The following EFR3A variants were observed in gnomAD, a reference collection of about 807,000 sequenced individuals.
The protein encoded by EFR3A is protein EFR3 homolog A.
In EFR3A, 76 loss-of-function variants were observed where a neutral mutation model predicts 104.4. The ratio of observed to expected loss-of-function variants is 0.73; its 90% CI spans 0.60 to 0.88. The LOEUF (loss-of-function observed/expected upper bound fraction) is 0.88, where lower values mean the gene tolerates loss of function less well. Among genes scored for constraint, EFR3A ranks in the 40% least tolerant of loss-of-function variants. The pLI is 0.00. For synonymous variants in EFR3A, 330 were observed against 330.0 expected (o/e 1.00, Z 0.00); for missense variants, 985 against 1,012.5 (o/e 0.97, Z 0.37).
intron 12 of EFR3A, 113 bp from the exon 13 acceptor site, chr8:131,978,734 G>T: frequency 2.5e-6 from 2 of 815,010 alleles, no homozygotes; most frequent in Non-Finnish European, 3.5e-6. Context: ...CTTTTCTCCA[G>T]GCTTCTGTCC....
At chr8:131,977,151 T>C (rs1820364377) in intron 12 of EFR3A, 59 bp downstream of exon 12, 5 of 1,202,114 alleles carry the variant, frequency 4.2e-6, no homozygotes, top group Non-Finnish European at 6.0e-6. Flanking sequence ...AAAACATTAA[T>C]TGAATAGCTT....
intron 1 of EFR3A, among the ~76,000 whole-genome samples, chr8:131,912,219 T>C (rs757119950): frequency 1.6e-4 from 25 of 152,186 alleles, no homozygotes; most frequent in Non-Finnish European, 3.4e-4. Context: ...CCAGCTCATC[T>C]GAATCCTGGG....
chr8:131,935,069 T>A (rs1309077800), intron 1 of EFR3A, among the ~76,000 whole-genome samples: 2 of 152,178 alleles, frequency 1.3e-5, no homozygotes, highest in Non-Finnish European at 2.9e-5. Flanking sequence ...ATAGAAAGTC[T>A]GTCTCTTTTC....
intron 22 of EFR3A, among the ~76,000 whole-genome samples, chr8:132,007,774 C>T (rs1215648414): frequency 6.6e-6 from 1 of 151,710 alleles, no homozygotes; most frequent in Non-Finnish European, 1.5e-5. Flanking sequence ...ACAAAGAGAT[C>T]AAGATAACAG....
At chr8:131,996,947 C>T (rs1042592936) in intron 19 of EFR3A, among the ~76,000 whole-genome samples, 1 of 152,036 alleles carries the variant, frequency 6.6e-6, no homozygotes, top group African/African-American at 2.4e-5. Context: ...AGTTTTAAAA[C>T]TGCATCTATA....
chr8:131,962,638 T>C (rs866369805), intron 8 of EFR3A, among the ~76,000 whole-genome samples: 24 of 152,044 alleles, frequency 1.6e-4, no homozygotes, highest in African/African-American at 5.8e-4. Context: ...CTGTCAACAT[T>C]AGACAGATCA....
intron 1 of EFR3A, among the ~76,000 whole-genome samples, chr8:131,928,207 C>A (rs1411431365): frequency 6.6e-6 from 1 of 151,506 alleles, no homozygotes; most frequent in Non-Finnish European, 1.5e-5. Context: ...TGGAAGAATG[C>A]TTCAAATGTG....
intron 12 of EFR3A, among the ~76,000 whole-genome samples, chr8:131,977,496 G>A (rs1192208240): frequency 2.0e-5 from 3 of 151,968 alleles, no homozygotes; most frequent in Non-Finnish European, 4.4e-5. Context: ...GCTTCTGATT[G>A]GGAAAATAAT....
rs1817409422 is a variant in EFR3A, at chr8:131,928,327, A to G, written c.11-12172A>G. Among the ~76,000 whole-genome samples, 3 of 152,102 alleles carry G rather than the reference A, an allele frequency of 2.0e-5. No individual in the cohort carries two copies. In the South Asian group the frequency reaches 6.2e-4, roughly 32 times the overall value. On this transcript the variant is annotated intron_variant, in intron 1 of 22. Transcript: ENST00000254624. ...ACGTTCGACATTAAATGCTAAATGAAGGGTGGGGTTTCTGCAGACATTATA... is the reference window on the plus strand; with the variant it reads ...ACGTTCGACATTAAATGCTAAATGAGGGGTGGGGTTTCTGCAGACATTATA...
At chr8:131,923,723 A>T (rs184405527) in intron 1 of EFR3A, among the ~76,000 whole-genome samples, 1 of 152,210 alleles carries the variant, frequency 6.6e-6, no homozygotes, top group East Asian at 1.9e-4. Flanking sequence ...GAGAAAAGTT[A>T]GGAACCAGCA....
Position 132,012,187 on chromosome 8 carries a change from C to G in EFR3A, c.*1292C>G, listed in dbSNP as rs1822376876. ...TTTTTACATAAAACAGCATACATAT[C>G]AAAAACTGTAGCCTAGAATACAGTT... is the stretch of plus-strand genomic sequence containing the variant. On this transcript the variant is annotated 3_prime_UTR_variant, in exon 23 of 23. Transcript: ENST00000254624. 6.6e-6 allele frequency: 1 copy of G among 152,124 alleles called. No individual in the cohort carries two copies. The highest frequency in any genetic ancestry group is 2.4e-5 in the African/African-American group (1 of 41,432). 9.4% of individuals were successfully genotyped at this position (152,124 alleles called of 1,614,324 possible).
In EFR3A at chr8:131,979,000, G is replaced by T. The variant is rs753436279; in HGVS notation, c.1480G>T (p.Ala494Ser). ...TCTCATGGATCGTCATGACAATAGG[G>T]CAAAGCTTCGAGGGATCAGGTAATG... The part of the protein sequence containing the change: ...HNLMDRHDNR[A>S]KLRGIRIIPD... The change falls in exon 13 of 23, where the codon GCA (alanine) becomes TCA (serine). Residue 494 changes from alanine to serine, a missense_variant. Physicochemically the swap from Ala to Ser is moderately conservative, Grantham distance 99. Transcript: ENST00000254624. 2 of 1,609,674 alleles carry T rather than the reference G, an allele frequency of 1.2e-6. No homozygotes were observed. Among genetic ancestry groups the T allele is most frequent in the South Asian group, 2.2e-5 (2 of 89,788 alleles).
At chr8:131,931,910 G>A (rs1375485459) in intron 1 of EFR3A, among the ~76,000 whole-genome samples, 2 of 151,960 alleles carry the variant, frequency 1.3e-5, no homozygotes, top group African/African-American at 4.8e-5. Context: ...CCAATACGCA[G>A]GAGAATAAGT....
intron 1 of EFR3A, among the ~76,000 whole-genome samples, chr8:131,912,173 G>C (rs1396760638): frequency 6.6e-6 from 1 of 152,162 alleles, no homozygotes. Flanking sequence ...TAGGTTAACT[G>C]TGCCATTCAG....
intron 10 of EFR3A, among the ~76,000 whole-genome samples, chr8:131,971,628 C>T (rs1820058771): frequency 6.6e-6 from 1 of 150,626 alleles, no homozygotes; most frequent in Non-Finnish European, 1.5e-5. Flanking sequence ...GCAGAGCTTG[C>T]AGTGAGCCGA....
chr8:132,001,901 A>T (rs1018221116), intron 20 of EFR3A, 94 bp downstream of exon 20: 2 of 1,065,564 alleles, frequency 1.9e-6, no homozygotes, highest in African/African-American at 1.6e-5. Flanking sequence ...GGGACATTAC[A>T]AAAATAAACC....
chr8:131,936,271 A>G (rs760823337), intron 1 of EFR3A, among the ~76,000 whole-genome samples: 1 of 152,154 alleles, frequency 6.6e-6, no homozygotes, highest in Non-Finnish European at 1.5e-5. Flanking sequence ...TGTTGAGTAG[A>G]TAAAACAAAC....
intron 22 of EFR3A, among the ~76,000 whole-genome samples, chr8:132,007,442 G>A (rs1822109138): frequency 6.6e-6 from 1 of 151,840 alleles, no homozygotes; most frequent in Non-Finnish European, 1.5e-5. Context: ...TTTCTGTTAT[G>A]AATATAAAAC....
intron 14 of EFR3A, 47 bp from the exon 15 acceptor site, chr8:131,984,092 C>G (rs375990593): frequency 1.3e-6 from 2 of 1,532,206 alleles, no homozygotes; most frequent in African/African-American, 2.8e-5. Context: ...TCTGCCTTTT[C>G]TACATTTTAA....
Sources: gnomAD v4.1 joint callset for allele counts (sites outside exome capture counted in the v4.1 genomes callset) on GRCh38, gnomAD v4.1.1 for gene constraint, MANE v1.5 for transcripts, NCBI Gene and HGNC (gene_info 2026-07-23, HGNC 2026-07-21) for gene names.